PKD1L1: variants seen among roughly 807,000 people sequenced by gnomAD.
PKD1L1 encodes polycystin-1-like protein 1.
A neutral mutation model predicts 323.4 loss-of-function variants in PKD1L1; 236 were observed. The ratio of observed to expected loss-of-function variants is 0.73; its 90% confidence interval spans 0.66 to 0.81. The LOEUF (loss-of-function observed/expected upper bound fraction) is 0.81, where lower values mean the gene tolerates loss of function less well. Ranked by LOEUF, PKD1L1 falls within the 40% of genes least tolerant of loss-of-function variation. The pLI is 0.00. For synonymous variants in PKD1L1, 1,344 were observed against 1,335.0 expected, an observed-to-expected ratio of 1.01 and a Z score of -0.15; for missense variants, 3,320 against 3,508.0, an observed-to-expected ratio of 0.95 and a Z score of 1.35.
intron 15 of PKD1L1, 86 bp downstream of exon 15, chr7:47,893,792 T>C: frequency 7.2e-7 from 1 of 1,383,546 alleles, no homozygotes. Flanking sequence ...TTTAAAACTA[T>C]TAATAGCCTC....
Position 47,890,672 on chromosome 7 carries a change from C to T in PKD1L1, c.2545G>A (p.Val849Ile), listed in dbSNP as rs763490949. The part of the protein sequence containing the change: ...AHQLDAAAPT[V>I]SFEAQWLSDS... ...CTGAGCCATTGTGCCTCAAAGGAAA[C>T]AGTGGGAGCCGCGGCATCCAGTTGG... Residue 849 changes from valine to isoleucine, a missense_variant, in exon 16 of 57, where the codon GTT becomes ATT. By Grantham distance (29) the Val-to-Ile change is conservative. Coordinates refer to ENST00000289672, the MANE Select transcript of PKD1L1 (RefSeq NM_138295.5). The T allele has an allele frequency of 1.2e-6, 2 of 1,614,074 alleles. No individual in the cohort carries two copies. Among genetic ancestry groups the T allele is most frequent in the Admixed American group, 1.7e-5 (1 of 60,036 alleles).
intron 27 of PKD1L1, 96 bp from the exon 28 acceptor site, chr7:47,857,928 GC>G: frequency 8.2e-7 from 1 of 1,212,744 alleles, no homozygotes. Context: ...TAGTTAAAAA[GC>G]CCATCTCAAG....
At chr7:47,783,999 A>G (rs1195761256) in intron 56 of PKD1L1, among the ~76,000 whole-genome samples, 1 of 152,204 alleles carries the variant, frequency 6.6e-6, no homozygotes, top group African/African-American at 2.4e-5. Flanking sequence ...AAGTAAATAA[A>G]TTATGTGTTC....
rs147640692 is a variant in PKD1L1, at chr7:47,790,169, G to A, written c.8526+2458C>T. Among the ~76,000 whole-genome samples, 273 of 152,070 alleles carry A rather than the reference G, an allele frequency of 1.8e-3. 5 individuals carry two copies. Among genetic ancestry groups the A allele is most frequent in the African/African-American group, 6.5e-3 (268 of 41,474 alleles). ...CTCCCGAAGTGCTATGATTACGGGC[G>A]TGAGCCACTGCGCCTGACCCAATTT... On this transcript the variant is annotated intron_variant, in intron 56 of 56. Transcript: ENST00000289672.
chr7:47,953,997 A>G, the PKD1L1 span, among the ~76,000 whole-genome samples: 13 of 152,250 alleles, frequency 8.5e-5, no homozygotes, highest in South Asian at 4.1e-4. Flanking sequence ...AACCAAAAAG[A>G]TAATTTTAAA....
rs761192201 is a variant in PKD1L1 at position 47,890,803 on chromosome 7, G to A, written c.2454-40C>T. On this transcript the variant is annotated intron_variant, in intron 15 of 56. Transcript: ENST00000289672. ...ATCGGAGTGGCTGAGGGGAGCATCA[G>A]GCAGAGTCAGGGACTACCCTGTGTC... 7 of 1,577,840 alleles carry A rather than the reference G, an allele frequency of 4.4e-6. No homozygotes were observed. The South Asian group carries it at 7.9e-5, about 18-fold the overall frequency.
intron 26 of PKD1L1, among the ~76,000 whole-genome samples, chr7:47,863,061 G>C (rs1247726653): frequency 6.6e-6 from 1 of 152,208 alleles, no homozygotes. Context: ...AAGCGCAGTA[G>C]AGGCAGGAGA....
At chr7:47,915,664 G>C in intron 7 of PKD1L1, 65 bp from the exon 8 acceptor site, 1 of 1,018,490 alleles carries the variant, frequency 9.8e-7, no homozygotes, top group Non-Finnish European at 1.4e-6. Context: ...GGAAAATGTG[G>C]AATAAACAAA....
At chr7:47,855,419 T>C (rs544581770) in intron 28 of PKD1L1, among the ~76,000 whole-genome samples, 154 bp from the exon 29 acceptor site, 1 of 152,354 alleles carries the variant, frequency 6.6e-6, no homozygotes, top group Admixed American at 6.5e-5. Context: ...AAACCAGTTT[T>C]ACTAGTCAGG....
intron 8 of PKD1L1, among the ~76,000 whole-genome samples, chr7:47,911,031 A>G (rs765311248): frequency 6.6e-6 from 1 of 152,086 alleles, no homozygotes; most frequent in Non-Finnish European, 1.5e-5. Flanking sequence ...TAATACTGAT[A>G]TAGTTCGGAT....
At chr7:47,791,311 T>C (rs905935526) in intron 56 of PKD1L1, among the ~76,000 whole-genome samples, 3 of 152,192 alleles carry the variant, frequency 2.0e-5, no homozygotes, top group Non-Finnish European at 4.4e-5. Context: ...TTCCCAAATA[T>C]GTCATCCATA....
intron 52 of PKD1L1, among the ~76,000 whole-genome samples, chr7:47,805,596 A>G (rs1784759705): frequency 6.6e-6 from 1 of 152,234 alleles, no homozygotes; most frequent in Non-Finnish European, 1.5e-5. Context: ...GGCCCTGAAC[A>G]CACAGCAACA....
chr7:47,880,671 C>G, intron 21 of PKD1L1, 57 bp downstream of exon 21: 1 of 1,390,012 alleles, frequency 7.2e-7, no homozygotes, highest in Middle Eastern at 1.9e-4. Context: ...AGTAAACTCA[C>G]AGAGACGCAG....
chr7:47,928,172 T>C (rs1787689818), intron 7 of PKD1L1, among the ~76,000 whole-genome samples: 1 of 152,244 alleles, frequency 6.6e-6, no homozygotes, highest in African/African-American at 2.4e-5. Context: ...AAGGCAGTAG[T>C]TGACTGTGGG....
chr7:47,928,839 G>A (rs1787704534), intron 7 of PKD1L1, among the ~76,000 whole-genome samples: 1 of 152,138 alleles, frequency 6.6e-6, no homozygotes, highest in Non-Finnish European at 1.5e-5. Flanking sequence ...TGAGCTTGAA[G>A]GACAATTTAA....
chr7:47,869,354 T>C (rs772647007), intron 24 of PKD1L1, among the ~76,000 whole-genome samples: 4 of 152,196 alleles, frequency 2.6e-5, no homozygotes, highest in Non-Finnish European at 4.4e-5. Flanking sequence ...GATTCAACTA[T>C]ATGCTGTCTA....
chr7:47,873,964 C>A lies in PKD1L1; in HGVS notation c.3831G>T (p.Gln1277His), dbSNP rs1786344353. The A allele has an allele frequency of 1.2e-6, 2 of 1,614,032 alleles. No homozygotes were observed. The highest frequency in any genetic ancestry group is 2.7e-5 in the African/African-American group (2 of 75,040). ...EITDGKGSKV[Q>H]PCTVVVTVLP... Reference sequence around the variant, plus strand: ...GCACAGTCACCACCACAGTGCACGGCTGGACCTTGGAGCCTTTGCCATCTG... The same window carrying A: ...GCACAGTCACCACCACAGTGCACGGATGGACCTTGGAGCCTTTGCCATCTG... Residue 1277 changes from glutamine to histidine, a missense_variant, in exon 24 of 57, where the codon CAG (glutamine) becomes CAT (histidine). Physicochemically the swap from Gln to His is conservative, Grantham distance 24 (BLOSUM62 0). Transcript: ENST00000289672.
intron 5 of PKD1L1, 76 bp from the exon 6 acceptor site, chr7:47,931,397 A>C: frequency 6.7e-7 from 1 of 1,500,588 alleles, no homozygotes; most frequent in Non-Finnish European, 9.1e-7. Flanking sequence ...CGCCATGCTC[A>C]AAAAGCCAAT....
chr7:47,809,836 G>C (rs1784856814), intron 50 of PKD1L1: 1 of 337,586 alleles, frequency 3.0e-6, no homozygotes, highest in Non-Finnish European at 5.4e-6. Flanking sequence ...TGCACTCAGG[G>C]AAAGCACGGA....
Sources: gnomAD v4.1 joint callset for allele counts (sites outside exome capture counted in the v4.1 genomes callset) on GRCh38, gnomAD v4.1.1 for gene constraint, MANE v1.5 for transcripts, NCBI Gene and HGNC (gene_info 2026-07-23, HGNC 2026-07-21) for gene names.